Variants in MDM1 observed in about 807,000 individuals in gnomAD.
MDM1 encodes stabilizer of axonemal microtubules 6.
In MDM1, 61 loss-of-function variants were observed where a neutral mutation model predicts 89.1. That is an observed-to-expected ratio of 0.68 (90% CI 0.56 to 0.85). The LOEUF is 0.85. Among genes scored for constraint, MDM1 ranks in the 40% least tolerant of loss-of-function variants. The pLI, the probability that MDM1 is intolerant of heterozygous loss-of-function variation, is 0.00. For synonymous variants in MDM1, 290 were observed against 294.1 expected, an observed-to-expected ratio of 0.99 and a Z score of 0.14; for missense variants, 820 against 846.5, an observed-to-expected ratio of 0.97 and a Z score of 0.39.
chr12:68,328,376 A>C (rs1876315206), intron 2 of MDM1, among the ~76,000 whole-genome samples: 1 of 152,244 alleles, frequency 6.6e-6, no homozygotes, highest in African/African-American at 2.4e-5. Context: ...TTTCTCACAG[A>C]AAATAATTCT....
rs375877187 is a variant in MDM1, at chr12:68,316,032, A to C, written c.1211+46T>G. Reference sequence around the variant, plus strand: ...TTTCCTATATCATTCTATGATCTACATAAGCTTCAACAAACTTTTTTTGCC... The same window carrying C: ...TTTCCTATATCATTCTATGATCTACCTAAGCTTCAACAAACTTTTTTTGCC... On this transcript the variant is annotated intron_variant, in intron 9 of 14. Coordinates refer to ENST00000682720, the MANE Select transcript of MDM1 (RefSeq NM_001354969.2). The C allele has an allele frequency of 1.6e-5, 24 of 1,538,500 alleles. No homozygotes were observed. In the African/African-American group the frequency reaches 3.2e-4, roughly 20 times the overall value.
rs1169085050 is a variant in MDM1 at position 68,332,273 on chromosome 12, TCCGA to T, written c.-32_-29del. On this transcript the variant is annotated 5_prime_UTR_variant, in exon 1 of 15. Transcript: ENST00000682720. The stretch of plus-strand genomic sequence containing the variant: ...CGCCCGGCGCCGGAGCCCCCGCTAC[TCCGA>T]CAGTTAACTGGAGAAAAAGCTCCGA... 4 of 1,580,894 alleles carry T rather than the reference TCCGA, an allele frequency of 2.5e-6. No individual in the cohort carries two copies. In the East Asian group the frequency reaches 9.3e-5, roughly 37 times the overall value.
chr12:68,332,126 C>A, intron 1 of MDM1, 102 bp downstream of exon 1: 2 of 1,482,160 alleles, frequency 1.3e-6, no homozygotes, highest in South Asian at 2.4e-5. Flanking sequence ...TTCCGCCGGG[C>A]AGAGGGCTGC....
intron 13 of MDM1, among the ~76,000 whole-genome samples, chr12:68,301,018 T>C (rs538448534): frequency 1.2e-4 from 19 of 152,246 alleles, no homozygotes; most frequent in African/African-American, 4.1e-4. Flanking sequence ...CTCAAAACTA[T>C]ACAAATACAT....
chr12:68,323,765 G>A (rs750778264), intron 4 of MDM1, among the ~76,000 whole-genome samples: 1 of 151,992 alleles, frequency 6.6e-6, no homozygotes, highest in South Asian at 2.1e-4. Flanking sequence ...TCTATTTCAC[G>A]GCATATTACC....
chr12:68,330,424 T>C (rs1215636557), intron 2 of MDM1, among the ~76,000 whole-genome samples: 1 of 152,222 alleles, frequency 6.6e-6, no homozygotes, highest in Non-Finnish European at 1.5e-5. Context: ...TTATATACCT[T>C]CTAAGCTATA....
chr12:68,310,402 C>T (rs1321251938), intron 12 of MDM1, among the ~76,000 whole-genome samples: 2 of 152,154 alleles, frequency 1.3e-5, no homozygotes, highest in Non-Finnish European at 1.5e-5. Flanking sequence ...ATTAATTCCA[C>T]AGTAAGTGAA....
intron 12 of MDM1, among the ~76,000 whole-genome samples, chr12:68,305,881 A>T (rs778627034): frequency 6.6e-6 from 1 of 151,794 alleles, no homozygotes; most frequent in Non-Finnish European, 1.5e-5. Flanking sequence ...CATTTTTCAC[A>T]GAATTAGAAA....
intron 10 of MDM1, among the ~76,000 whole-genome samples, chr12:68,314,150 A>C (rs1298772568): frequency 6.6e-6 from 1 of 151,944 alleles, no homozygotes; most frequent in African/African-American, 2.4e-5. Context: ...AAAAAAAAAA[A>C]AAAACTTGTA....
chr12:68,303,032 C>A (rs555372281), intron 12 of MDM1, among the ~76,000 whole-genome samples, 160 bp from the exon 13 acceptor site: 7 of 151,812 alleles, frequency 4.6e-5, no homozygotes, highest in African/African-American at 1.7e-4. Context: ...TATAGACAAA[C>A]AGACCTGGCT....
chr12:68,304,725 G>C (rs745356059), intron 12 of MDM1, among the ~76,000 whole-genome samples: 1 of 152,066 alleles, frequency 6.6e-6, no homozygotes, highest in Non-Finnish European at 1.5e-5. Context: ...CTGATTCTGC[G>C]ATCTGTTTTT....
intron 12 of MDM1, among the ~76,000 whole-genome samples, chr12:68,310,025 C>G (rs979197742): frequency 6.6e-6 from 1 of 152,184 alleles, no homozygotes; most frequent in Non-Finnish European, 1.5e-5. Context: ...GGCTGGAGTG[C>G]AGTGGCGTGA....
intron 12 of MDM1, among the ~76,000 whole-genome samples, chr12:68,307,450 C>T (rs1442356099): frequency 6.6e-6 from 1 of 151,992 alleles, no homozygotes; most frequent in Non-Finnish European, 1.5e-5. Context: ...AGCCTGGCAA[C>T]ACAGCGAGAT....
intron 13 of MDM1, among the ~76,000 whole-genome samples, chr12:68,301,828 T>A (rs1872202973): frequency 6.6e-6 from 1 of 151,954 alleles, no homozygotes. Context: ...ATTACAGGTG[T>A]GCACTAACAC....
At chr12:68,320,526 G>A (rs1048191658) in intron 7 of MDM1, among the ~76,000 whole-genome samples, 1 of 152,192 alleles carries the variant, frequency 6.6e-6, no homozygotes. Context: ...GCGCACCCGA[G>A]CACCAGCCCC....
chr12:68,324,178 T>C (rs1023665823), intron 4 of MDM1, among the ~76,000 whole-genome samples: 2 of 152,106 alleles, frequency 1.3e-5, no homozygotes, highest in African/African-American at 2.4e-5. Flanking sequence ...GCTAGTGATT[T>C]CTCTTATAAA....
In MDM1 at chr12:68,316,623, T is replaced by C; in HGVS notation, c.1006-13A>G. The C allele has an allele frequency of 1.3e-6, 2 of 1,531,416 alleles. No homozygotes were observed. The highest frequency in any genetic ancestry group is 1.8e-6 in the Non-Finnish European group (2 of 1,142,838). The allele number at this position is 1,531,416 out of a possible 1,614,324, so 94.9% of individuals were successfully genotyped here. Reference sequence around the variant, plus strand: ...CATTTAGAGAACCCTAGAGAAGGAATACAGAAACACACTTAATGATAGGTT... The same window carrying C: ...CATTTAGAGAACCCTAGAGAAGGAACACAGAAACACACTTAATGATAGGTT... On this transcript the variant is annotated splice_polypyrimidine_tract_variant and intron_variant, in intron 7 of 14. Coordinates refer to ENST00000682720, the MANE Select transcript of MDM1 (RefSeq NM_001354969.2).
intron 5 of MDM1, among the ~76,000 whole-genome samples, chr12:68,321,949 A>G (rs1875289153): frequency 6.6e-6 from 1 of 152,234 alleles, no homozygotes; most frequent in South Asian, 2.1e-4. Flanking sequence ...TGAATTTGAT[A>G]TTCTAAATTT....
chr12:68,332,250 C>T lies in MDM1; in HGVS notation c.-5G>A. On this transcript the variant is annotated 5_prime_UTR_variant, in exon 1 of 15. Transcript: ENST00000682720. ...CACCTTGAAGCGCACCGGCATGTCG[C>T]CCGGCGCCGGAGCCCCCGCTACTCC... is the stretch of plus-strand genomic sequence containing the variant. The T allele has an allele frequency of 6.3e-7, 1 of 1,583,030 alleles. No individual in the cohort carries two copies. Among genetic ancestry groups the T allele is most frequent in the Non-Finnish European group, 8.6e-7 (1 of 1,165,602 alleles).
Sources: gnomAD v4.1 joint callset for allele counts (sites outside exome capture counted in the v4.1 genomes callset) on GRCh38, gnomAD v4.1.1 for gene constraint, MANE v1.5 for transcripts, NCBI Gene and HGNC (gene_info 2026-07-23, HGNC 2026-07-21) for gene names.